MTHFD1L: variants seen among roughly 807,000 people sequenced by gnomAD.
MTHFD1L encodes monofunctional C1-tetrahydrofolate synthase, mitochondrial.
A neutral mutation model predicts 119.5 loss-of-function variants in MTHFD1L; 81 were observed. The ratio of observed to expected loss-of-function variants is 0.68; its 90% CI spans 0.57 to 0.82. The LOEUF (loss-of-function observed/expected upper bound fraction) is 0.82. Ranked by LOEUF, MTHFD1L falls within the 40% of genes least tolerant of loss-of-function variation. MTHFD1L has a pLI of 0.00. For missense variants in MTHFD1L, 1,125 were observed against 1,253.4 expected (o/e 0.90, Z 1.55); for synonymous variants, 430 against 475.2 (o/e 0.90, Z 1.24).
chr6:151,060,544 G>T (rs558075623), intron 26 of MTHFD1L, among the ~76,000 whole-genome samples: 1 of 152,282 alleles, frequency 6.6e-6, no homozygotes, highest in East Asian at 1.9e-4. Flanking sequence ...CAGATGCCAT[G>T]GGGGGCTGGC....
At chr6:151,078,598 C>T (rs981341229) in intron 26 of MTHFD1L, among the ~76,000 whole-genome samples, 2 of 152,106 alleles carry the variant, frequency 1.3e-5, no homozygotes, top group Non-Finnish European at 2.9e-5. Flanking sequence ...ACTGAGGGCC[C>T]AGCTTTTTGC....
At chr6:150,912,412 T>C (rs1787072088) in intron 8 of MTHFD1L, among the ~76,000 whole-genome samples, 1 of 151,860 alleles carries the variant, frequency 6.6e-6, no homozygotes, top group Non-Finnish European at 1.5e-5. Flanking sequence ...GGCGAGAAAA[T>C]ATTTAAGTCT....
At chr6:151,032,333 C>T (rs555504070) in intron 24 of MTHFD1L, among the ~76,000 whole-genome samples, 3 of 152,116 alleles carry the variant, frequency 2.0e-5, no homozygotes, top group Admixed American at 6.5e-5. Context: ...AAGGTGAAGG[C>T]GGGGGGAGCC....
intron 24 of MTHFD1L, among the ~76,000 whole-genome samples, chr6:151,018,951 T>A (rs2128498125): frequency 6.6e-6 from 1 of 152,328 alleles, no homozygotes; most frequent in Admixed American, 6.5e-5. Context: ...AGATTTTGGA[T>A]GAGTGAAAAG....
chr6:150,992,413 G>A (rs1372370125), intron 20 of MTHFD1L, among the ~76,000 whole-genome samples: 1 of 152,214 alleles, frequency 6.6e-6, no homozygotes, highest in Non-Finnish European at 1.5e-5. Context: ...TAAGCTCTGA[G>A]TTCATAGGAG....
chr6:151,041,010 C>G (rs145791654), intron 26 of MTHFD1L, among the ~76,000 whole-genome samples: 1 of 152,194 alleles, frequency 6.6e-6, no homozygotes, highest in Non-Finnish European at 1.5e-5. Context: ...GTGTCATTAT[C>G]TGGTCTTCTC....
At position 151,015,528 on chromosome 6, in the gene MTHFD1L, C is replaced by T. The variant is rs563825223; in HGVS notation, c.2421C>T (p.Arg807=). The T allele has an allele frequency of 5.0e-6, 8 of 1,612,088 alleles. No homozygotes were observed. The highest frequency in any genetic ancestry group is 3.3e-5 in the South Asian group (3 of 90,690). ...VALNVFKTDT[R]AEIDLVCELA... Reference sequence around the variant, plus strand: ...TTTTCTTCACTAGGACCGACACCCGCGCTGAGATTGACTTGGTGTGTGAGC... The same window carrying T: ...TTTTCTTCACTAGGACCGACACCCGTGCTGAGATTGACTTGGTGTGTGAGC... The change falls in exon 24 of 28, where the codon CGC becomes CGT. Residue 807 remains arginine (R), a synonymous_variant. Coordinates refer to ENST00000367321, the MANE Select transcript of MTHFD1L (RefSeq NM_015440.5).
Position 151,009,955 on chromosome 6 carries a change from A to T in MTHFD1L, c.2262A>T (p.Pro754=). The change falls in exon 21 of 28, where the codon CCA becomes CCT. Residue 754 remains proline, a synonymous_variant. Coordinates refer to ENST00000367321, the MANE Select transcript of MTHFD1L (RefSeq NM_015440.5). ...VRALKMHGGG[P]SVTAGVPLKK... ...CTCTGAAGATGCATGGAGGCGGGCC[A>T]AGTGTAAGTGCCCACACCGCCTTCC... is the stretch of plus-strand genomic sequence containing the variant. 1 of 1,600,796 alleles carries T rather than the reference A, an allele frequency of 6.2e-7. No homozygotes were observed. Among genetic ancestry groups the T allele is most frequent in the Non-Finnish European group, 8.5e-7 (1 of 1,175,230 alleles).
At chr6:151,064,310 AATTATT>A (rs1008108125) in intron 26 of MTHFD1L, among the ~76,000 whole-genome samples, 1 of 151,802 alleles carries the variant, frequency 6.6e-6, no homozygotes, top group South Asian at 2.1e-4. Context: ...TGAAGTGTTA[AATTATT>A]ATTATTATTA....
At chr6:151,016,334 C>CTT (rs138675772) in intron 24 of MTHFD1L, among the ~76,000 whole-genome samples, 4,974 of 145,626 alleles carry the variant, frequency 0.034, 280 homozygotes, top group African/African-American at 0.12. Context: ...GTTCATTTCT[C>CTT]TTTTTTTTTT....
intron 26 of MTHFD1L, among the ~76,000 whole-genome samples, chr6:151,044,581 G>C (rs1458660354): frequency 6.6e-6 from 1 of 152,146 alleles, no homozygotes; most frequent in South Asian, 2.1e-4. Flanking sequence ...GATTACAGGA[G>C]TGAGCCACTG....
At chr6:151,033,506 T>C (rs1001447321) in intron 24 of MTHFD1L, among the ~76,000 whole-genome samples, 1 of 152,210 alleles carries the variant, frequency 6.6e-6, no homozygotes, top group Non-Finnish European at 1.5e-5. Flanking sequence ...CTGTGGAATA[T>C]TATTTTCCTA....
At chr6:150,894,220 G>C (rs558416055) in intron 7 of MTHFD1L, among the ~76,000 whole-genome samples, 3 of 152,112 alleles carry the variant, frequency 2.0e-5, no homozygotes, top group Admixed American at 6.6e-5. Context: ...TGGAGTGCAG[G>C]CTGGAGGAAG....
At chr6:150,961,662 C>G (rs763599635) in intron 18 of MTHFD1L, among the ~76,000 whole-genome samples, 1 of 152,048 alleles carries the variant, frequency 6.6e-6, no homozygotes, top group East Asian at 1.9e-4. Flanking sequence ...TCAAAGTGTC[C>G]GGATTGTTTT....
intron 26 of MTHFD1L, among the ~76,000 whole-genome samples, chr6:151,043,339 AC>A (rs200413381): frequency 3.8e-5 from 5 of 131,690 alleles, no homozygotes; most frequent in African/African-American, 1.4e-4. Context: ...ATCTCGGCTC[AC>A]TGCAACCTCC....
chr6:151,054,158 G>C (rs1249448502), intron 26 of MTHFD1L, among the ~76,000 whole-genome samples: 1 of 152,124 alleles, frequency 6.6e-6, no homozygotes, highest in Non-Finnish European at 1.5e-5. Flanking sequence ...AGCATTGTTA[G>C]TTTTCATTTG....
chr6:150,928,557 CTTT>C (rs545794923), intron 11 of MTHFD1L, among the ~76,000 whole-genome samples: 1 of 138,314 alleles, frequency 7.2e-6, no homozygotes, highest in Non-Finnish European at 1.6e-5. Flanking sequence ...TGTAGCTTTT[CTTT>C]TTTTTTTTTG....
chr6:150,907,932 T>C (rs2128856385), intron 8 of MTHFD1L, among the ~76,000 whole-genome samples: 1 of 150,802 alleles, frequency 6.6e-6, no homozygotes, highest in South Asian at 2.1e-4. Flanking sequence ...AGTCTTGCTC[T>C]GTCACCCTGG....
At chr6:151,041,341 C>T (rs1260785177) in intron 26 of MTHFD1L, among the ~76,000 whole-genome samples, 1 of 152,198 alleles carries the variant, frequency 6.6e-6, no homozygotes, top group Non-Finnish European at 1.5e-5. Flanking sequence ...CTTGAACATT[C>T]ATCACCCGTG....
Sources: gnomAD v4.1 joint callset for allele counts (sites outside exome capture counted in the v4.1 genomes callset) on GRCh38, gnomAD v4.1.1 for gene constraint, MANE v1.5 for transcripts, NCBI Gene and HGNC (gene_info 2026-07-23, HGNC 2026-07-21) for gene names.